The following ABCC8 variants were observed in gnomAD, a reference collection of about 807,000 sequenced individuals.
The protein encoded by ABCC8 is ATP-binding cassette sub-family C member 8.
A neutral mutation model predicts 188.0 loss-of-function variants in ABCC8; 137 were observed. The observed-to-expected ratio is 0.73, with a 90% CI of 0.63 to 0.84. The LOEUF (loss-of-function observed/expected upper bound fraction) is 0.84, where lower values mean the gene tolerates loss of function less well. Ranked by LOEUF, ABCC8 falls within the 40% of genes least tolerant of loss-of-function variation. The pLI is 0.00. For missense variants in ABCC8, 1,750 were observed against 2,072.7 expected (o/e 0.84, Z 3.02); for synonymous variants, 797 against 846.5 (o/e 0.94, Z 1.01).
rs925342658 is a variant in ABCC8 at position 17,417,878 on chromosome 11, T to C, written c.2223-916A>G. ...GATCCTCCTGCCTTAGCCTCCTGAGTAGATGGGATTACAGGCACGTACCAC... is the reference window on the plus strand; with the variant it reads ...GATCCTCCTGCCTTAGCCTCCTGAGCAGATGGGATTACAGGCACGTACCAC... On this transcript the variant is annotated intron_variant, in intron 16 of 38. Transcript: ENST00000389817. Among the ~76,000 whole-genome samples the C allele has an allele frequency of 4.6e-5, 7 of 150,544 alleles. No homozygotes were observed. The South Asian group carries it at 1.5e-3, about 32-fold the overall frequency.
At chr11:17,448,394 T>G in intron 8 of ABCC8, 122 bp downstream of exon 8, 1 of 872,338 alleles carries the variant, frequency 1.1e-6, no homozygotes, top group East Asian at 2.5e-5. Context: ...TAGCCAAGTG[T>G]GTGAAAGGTA....
rs535592033 is a variant in ABCC8 at position 17,428,027 on chromosome 11, T to G, written c.2041-85A>C. 1.3e-5 allele frequency: 21 copies of G among 1,586,240 alleles called. No individual in the cohort carries two copies. In the African/African-American group the frequency reaches 2.7e-4, roughly 20 times the overall value. On this transcript the variant is annotated intron_variant, in intron 14 of 38. Coordinates refer to ENST00000389817, the MANE Select transcript of ABCC8 (RefSeq NM_000352.6). ...ATAGTCTCTGGCTTCCCCTCCTCCA[T>G]GAAAGCCAAAAGACACTGATTCCAG...
intron 22 of ABCC8, among the ~76,000 whole-genome samples, chr11:17,409,722 C>T (rs1954719975): frequency 6.6e-6 from 1 of 152,082 alleles, no homozygotes; most frequent in Non-Finnish European, 1.5e-5. Flanking sequence ...TAGGCAAGAC[C>T]TAGAGTTCAA....
At chr11:17,420,042 C>T (rs1027880568) in intron 16 of ABCC8, among the ~76,000 whole-genome samples, 1 of 152,134 alleles carries the variant, frequency 6.6e-6, no homozygotes, top group African/African-American at 2.4e-5. Flanking sequence ...CAGTGCTTGG[C>T]CCCAAAAGTA....
At chr11:17,464,928 G>T (rs1848057281) in intron 3 of ABCC8, among the ~76,000 whole-genome samples, 1 of 152,214 alleles carries the variant, frequency 6.6e-6, no homozygotes, top group African/African-American at 2.4e-5. Flanking sequence ...CCCTATGTGG[G>T]CCTGGGCATG....
Position 17,432,248 on chromosome 11 carries a change from CA to C in ABCC8, c.1631-5del, listed in dbSNP as rs1955882256. 1 of 1,552,018 alleles carries C rather than the reference CA, an allele frequency of 6.4e-7. No homozygotes were observed. Among genetic ancestry groups the C allele is most frequent in the Admixed American group, 2.0e-5 (1 of 51,006 alleles). On this transcript the variant is annotated splice_polypyrimidine_tract_variant and splice_region_variant and intron_variant, in intron 10 of 38. Transcript: ENST00000389817. The stretch of plus-strand genomic sequence containing the variant: ...GGGATGGCCGTGTTCATGAAAACTG[CA>C]GAGGAAGCACAGGGAGGCGTTTAGT...
chr11:17,435,358 C>G (rs926924277), intron 10 of ABCC8, among the ~76,000 whole-genome samples: 1 of 152,112 alleles, frequency 6.6e-6, no homozygotes, highest in Non-Finnish European at 1.5e-5. Context: ...GAAGAAGGAG[C>G]CAAAAGCTGA....
intron 29 of ABCC8, among the ~76,000 whole-genome samples, chr11:17,401,490 G>A (rs1205922521): frequency 6.6e-6 from 1 of 152,180 alleles, no homozygotes; most frequent in Non-Finnish European, 1.5e-5. Flanking sequence ...ACCTCTCCAG[G>A]GCTGAAGCTG....
In ABCC8 at chr11:17,427,206, A is replaced by G; in HGVS notation, c.2117-52T>C. ...GAGTGGGGCCGGGGGAGTCTGAACA[A>G]CCATTACCCAGAAAGACAGACAGAC... On this transcript the variant is annotated intron_variant, in intron 15 of 38. Coordinates refer to ENST00000389817, the MANE Select transcript of ABCC8 (RefSeq NM_000352.6). The surrounding 1 kb of genome is among the most constrained non-coding windows in gnomAD (Gnocchi z 5.0). The G allele has an allele frequency of 1.3e-6, 2 of 1,536,742 alleles. No individual in the cohort carries two copies. Among genetic ancestry groups the G allele is most frequent in the East Asian group, 2.4e-5 (1 of 41,852 alleles).
intron 8 of ABCC8, 54 bp from the exon 9 acceptor site, chr11:17,443,366 G>C: frequency 6.2e-7 from 1 of 1,612,790 alleles, no homozygotes; most frequent in African/African-American, 1.3e-5. Flanking sequence ...GCCCTGCCAG[G>C]AGGTGCTGGC....
At chr11:17,445,154 C>T (rs1006951898) in intron 8 of ABCC8, among the ~76,000 whole-genome samples, 2 of 152,206 alleles carry the variant, frequency 1.3e-5, no homozygotes, top group Non-Finnish European at 2.9e-5. Context: ...ACACAGAGGC[C>T]TCCATTATAG....
chr11:17,463,761 A>G, intron 3 of ABCC8, 157 bp from the exon 4 acceptor site: 2 of 403,576 alleles, frequency 5.0e-6, no homozygotes, highest in South Asian at 2.1e-4. Flanking sequence ...AATATATCAG[A>G]GTACATGACT....
In ABCC8 at chr11:17,461,055, G is replaced by A. The variant is rs932652282; in HGVS notation, c.823-379C>T. ...AGGGCAGAGGAAGTGAAGGAGCACT[G>A]GACTGGGAGCCAGGAGACTGCCTCT... On this transcript the variant is annotated intron_variant, in intron 5 of 38. Transcript: ENST00000389817. The A allele has an allele frequency of 1.4e-5, 5 of 359,620 alleles. No homozygotes were observed. The Admixed American group carries it at 1.7e-4, about 12-fold the overall frequency. 22.3% of individuals were successfully genotyped at this position (359,620 alleles called of 1,614,324 possible).
intron 19 of ABCC8, among the ~76,000 whole-genome samples, chr11:17,413,955 T>C (rs73423038): frequency 0.024 from 3,591 of 152,266 alleles, 154 homozygotes; most frequent in African/African-American, 0.081. Flanking sequence ...GACAAACATG[T>C]ACTTAGGTGT....
intron 10 of ABCC8, among the ~76,000 whole-genome samples, chr11:17,442,193 C>A (rs1488415152): frequency 1.3e-5 from 2 of 152,190 alleles, no homozygotes; most frequent in Non-Finnish European, 2.9e-5. Context: ...GGTTCCCAAA[C>A]TACTTGGTTA....
intron 29 of ABCC8, among the ~76,000 whole-genome samples, chr11:17,401,025 G>A (rs1027421766): frequency 6.6e-6 from 1 of 152,210 alleles, no homozygotes; most frequent in Non-Finnish European, 1.5e-5. Flanking sequence ...ACCTCACTGG[G>A]TAGCAGTGGC....
In ABCC8 at chr11:17,407,168, C is replaced by T. The variant is rs202152775; in HGVS notation, c.2921-39G>A. ...GAACCCACTCTGTGGCTACACATTTCCATCCCTCTGAGGGTGAATCAGGGC... is the reference window on the plus strand; with the variant it reads ...GAACCCACTCTGTGGCTACACATTTTCATCCCTCTGAGGGTGAATCAGGGC... On this transcript the variant is annotated intron_variant, in intron 24 of 38. Transcript: ENST00000389817. The T allele has an allele frequency of 3.1e-5, 49 of 1,601,410 alleles. No individual in the cohort carries two copies. The East Asian group carries it at 8.3e-4, about 27-fold the overall frequency.
chr11:17,393,349 C>G (rs1953727807), intron 38 of ABCC8: 2 of 691,044 alleles, frequency 2.9e-6, no homozygotes, highest in Non-Finnish European at 4.8e-6. Flanking sequence ...CAACTCTACC[C>G]CACCTCCAGG....
chr11:17,456,879 C>G (rs751994904), intron 6 of ABCC8, among the ~76,000 whole-genome samples: 4 of 152,186 alleles, frequency 2.6e-5, no homozygotes, highest in African/African-American at 4.8e-5. Flanking sequence ...TTTGCAGAAC[C>G]ATTTCCCGTG....
Sources: allele counts gnomAD v4.1 joint callset (sites outside exome capture counted in the v4.1 genomes callset), GRCh38; gene constraint gnomAD v4.1.1; non-coding constraint Gnocchi (gnomAD v3.1); transcripts MANE v1.5; gene names NCBI Gene and HGNC (gene_info 2026-07-23, HGNC 2026-07-21).